ARHGAP6: variants seen among roughly 807,000 people sequenced by gnomAD.
ARHGAP6 encodes rho GTPase-activating protein 6.
In ARHGAP6, 16 loss-of-function variants were observed where a neutral mutation model predicts 55.7. The observed-to-expected ratio is 0.29, with a 90% CI of 0.19 to 0.44. The LOEUF is 0.44. ARHGAP6 is among the 20% of genes least tolerant of loss of function. The pLI, the probability that ARHGAP6 is intolerant of heterozygous loss-of-function variation, is 1.00. For missense variants in ARHGAP6, 698 were observed against 808.9 expected (o/e 0.86, Z 1.66); for synonymous variants, 382 against 360.9 (o/e 1.06, Z -0.66).
chrX:11,497,159 G>A (rs1360074408), intron 1 of ARHGAP6, among the ~76,000 whole-genome samples: 1 of 111,860 alleles, frequency 8.9e-6, no homozygotes, highest in African/African-American at 3.3e-5. Context: ...TGTATGCTAC[G>A]AAGCCTGTAT....
chrX:11,446,682 C>A (rs747436702), intron 1 of ARHGAP6, among the ~76,000 whole-genome samples: 30 of 112,101 alleles, frequency 2.7e-4, no homozygotes, highest in Middle Eastern at 4.6e-3. Flanking sequence ...AAACATCAAA[C>A]CACCTCAGAG....
intron 1 of ARHGAP6, among the ~76,000 whole-genome samples, chrX:11,609,489 T>G (rs1449319992): frequency 9.0e-6 from 1 of 111,406 alleles, no homozygotes; most frequent in African/African-American, 3.3e-5. Context: ...CGCTTGACAT[T>G]TTCAGGTTGC....
intron 3 of ARHGAP6, among the ~76,000 whole-genome samples, chrX:11,193,120 G>T (rs969685404): frequency 1.8e-5 from 2 of 112,372 alleles, no homozygotes; most frequent in African/African-American, 6.5e-5. Flanking sequence ...CACAAGATCT[G>T]CTGTATATCA....
At chrX:11,450,084 T>C (rs1443311965) in intron 1 of ARHGAP6, among the ~76,000 whole-genome samples, 1 of 111,685 alleles carries the variant, frequency 9.0e-6, no homozygotes, top group Non-Finnish European at 1.9e-5. Context: ...CAGTTTGTTC[T>C]TGCTCCTTTA....
intron 10 of ARHGAP6, among the ~76,000 whole-genome samples, chrX:11,147,314 T>C (rs1193482224): frequency 2.7e-5 from 3 of 112,073 alleles, no homozygotes; most frequent in African/African-American, 9.7e-5. Flanking sequence ...AGACACATAT[T>C]ACATATACAC....
intron 1 of ARHGAP6, among the ~76,000 whole-genome samples, chrX:11,283,109 T>C (rs772748971): frequency 8.0e-5 from 9 of 112,088 alleles, no homozygotes; most frequent in East Asian, 5.6e-4. Flanking sequence ...TAATAAGGCT[T>C]GACAGAGATT....
chrX:11,364,005 T>C (rs1362758423), intron 1 of ARHGAP6, among the ~76,000 whole-genome samples: 1 of 112,156 alleles, frequency 8.9e-6, no homozygotes, highest in Non-Finnish European at 1.9e-5. Flanking sequence ...ATATATTCCA[T>C]GGAATACTAT....
At chrX:11,597,743 G>A (rs2051918803) in intron 1 of ARHGAP6, among the ~76,000 whole-genome samples, 1 of 111,691 alleles carries the variant, frequency 9.0e-6, no homozygotes, top group Non-Finnish European at 1.9e-5. Flanking sequence ...AGAGAGAAGA[G>A]CGTGAGTAAG....
intron 1 of ARHGAP6, among the ~76,000 whole-genome samples, chrX:11,287,058 G>C (rs2047930010): frequency 9.0e-6 from 1 of 110,654 alleles, no homozygotes; most frequent in African/African-American, 3.4e-5. Context: ...TTCAACACAT[G>C]AACTTTATAG....
At chrX:11,332,957 T>G (rs2048579725) in intron 1 of ARHGAP6, among the ~76,000 whole-genome samples, 2 of 111,694 alleles carry the variant, frequency 1.8e-5, no homozygotes, top group African/African-American at 6.5e-5. Flanking sequence ...ACTCATCATC[T>G]TCTTAAATCT....
At chrX:11,367,273 G>C (rs1276433974) in intron 1 of ARHGAP6, among the ~76,000 whole-genome samples, 1 of 111,995 alleles carries the variant, frequency 8.9e-6, no homozygotes, top group Non-Finnish European at 1.9e-5. Context: ...TTGCAAAAAA[G>C]AGATGGCTTT....
At chrX:11,264,207 C>T (rs780688600) in intron 1 of ARHGAP6, among the ~76,000 whole-genome samples, 3 of 109,903 alleles carry the variant, frequency 2.7e-5, no homozygotes, top group Non-Finnish European at 5.7e-5. Flanking sequence ...CTCTGAGAAA[C>T]ATCCCAGAGA....
At chrX:11,531,688 T>G (rs1282378010) in intron 1 of ARHGAP6, among the ~76,000 whole-genome samples, 1 of 111,964 alleles carries the variant, frequency 8.9e-6, no homozygotes, top group Non-Finnish European at 1.9e-5. Context: ...GCTTTAAAAT[T>G]TATTATAATC....
At chrX:11,261,854 C>A (rs1333227470) in intron 1 of ARHGAP6, among the ~76,000 whole-genome samples, 1 of 111,303 alleles carries the variant, frequency 9.0e-6, no homozygotes, top group Admixed American at 9.6e-5. Context: ...AAGATAGAGG[C>A]TAGGGATGCT....
chrX:11,201,163 G>A (rs1337998733), intron 2 of ARHGAP6, among the ~76,000 whole-genome samples: 1 of 112,232 alleles, frequency 8.9e-6, no homozygotes, highest in African/African-American at 3.2e-5. Context: ...GCACTAATAT[G>A]AGAGTTAGTT....
At chrX:11,552,990 C>A (rs11095549) in intron 1 of ARHGAP6, among the ~76,000 whole-genome samples, 26,519 of 109,335 alleles carry the variant, frequency 0.24, 2,490 homozygotes, top group Middle Eastern at 0.33. Context: ...TACCACAAAA[C>A]AAGATAAGTA....
chrX:11,558,600 G>A (rs2051345937), intron 1 of ARHGAP6, among the ~76,000 whole-genome samples: 1 of 109,366 alleles, frequency 9.1e-6, no homozygotes, highest in Admixed American at 9.8e-5. Flanking sequence ...CACTTTGGGA[G>A]GCCGAGGTGG....
intron 1 of ARHGAP6, among the ~76,000 whole-genome samples, chrX:11,262,929 G>T (rs2047579838): frequency 9.0e-6 from 1 of 110,910 alleles, no homozygotes; most frequent in Admixed American, 9.6e-5. Context: ...CAATACAAAT[G>T]AATTTCTTGT....
intron 2 of ARHGAP6, among the ~76,000 whole-genome samples, chrX:11,212,818 T>C (rs2147393454): frequency 9.0e-6 from 1 of 111,730 alleles, no homozygotes; most frequent in African/African-American, 3.2e-5. Flanking sequence ...AAATAAAGAT[T>C]AAATAAAAAA....
Sources: gnomAD v4.1 joint callset for allele counts (sites outside exome capture counted in the v4.1 genomes callset) on GRCh38, gnomAD v4.1.1 for gene constraint, MANE v1.5 for transcripts, NCBI Gene and HGNC (gene_info 2026-07-23, HGNC 2026-07-21) for gene names.